The following PDE4D variants were observed in gnomAD, a reference collection of about 807,000 sequenced individuals.
PDE4D encodes phosphodiesterase 4D, also known as 3',5'-cyclic-AMP phosphodiesterase 4D.
Under a neutral mutation model 87.4 loss-of-function variants are expected in PDE4D, and 24 were observed. That is an observed-to-expected ratio of 0.27 (90% CI 0.20 to 0.39). The LOEUF (loss-of-function observed/expected upper bound fraction) is 0.39, where lower values mean the gene tolerates loss of function less well. PDE4D is among the 10% of genes least tolerant of loss of function. The pLI is 1.00. For missense variants in PDE4D, 714 were observed against 1,041.0 expected, an observed-to-expected ratio of 0.69 and a Z score of 4.32; for synonymous variants, 384 against 383.2, an observed-to-expected ratio of 1.00 and a Z score of -0.02.
chr5:59,726,065 T>C (rs1756554580), intron 1 of PDE4D, among the ~76,000 whole-genome samples: 2 of 152,250 alleles, frequency 1.3e-5, no homozygotes, highest in African/African-American at 4.8e-5. Context: ...TTTCATTTCA[T>C]CCACACCTAC....
At chr5:60,319,853 A>C (rs1482737496) in intron 1 of PDE4D, among the ~76,000 whole-genome samples, 2 of 152,146 alleles carry the variant, frequency 1.3e-5, no homozygotes, top group Admixed American at 6.5e-5. Context: ...AGTTTTGTCT[A>C]AGAGGAGTAC....
At chr5:59,808,809 G>T (rs939487679) in intron 1 of PDE4D, among the ~76,000 whole-genome samples, 1 of 152,044 alleles carries the variant, frequency 6.6e-6, no homozygotes, top group Non-Finnish European at 1.5e-5. Context: ...AATGCTGCTT[G>T]CAAGAGTGGC....
rs80246796 is a variant in PDE4D, at chr5:60,178,943, G to C, written c.42+6614C>G. ...GTAACTGTCATAGTTTGGTCAAATA[G>C]TTGGTGAGGGCTTAACAAATATCGT... On this transcript the variant is annotated intron_variant, in intron 2 of 16. Transcript: ENST00000502484. Among the ~76,000 whole-genome samples, 1,201 of 152,208 alleles carry C rather than the reference G, an allele frequency of 7.9e-3. 15 individuals are homozygous for C. Among genetic ancestry groups the C allele is most frequent in the African/African-American group, 0.028 (1,143 of 41,546 alleles).
At chr5:59,224,330 T>A (rs565426717) in intron 1 of PDE4D, among the ~76,000 whole-genome samples, 60 of 135,120 alleles carry the variant, frequency 4.4e-4, no homozygotes, top group Non-Finnish European at 5.6e-4. Flanking sequence ...ACACACACAC[T>A]GGTACAAAGA....
At position 59,392,104 on chromosome 5, in the gene PDE4D, C is replaced by T. The variant is rs369989439; in HGVS notation, c.456-176136G>A. Among the ~76,000 whole-genome samples, 6 of 151,728 alleles carry T rather than the reference C, an allele frequency of 4.0e-5. No individual in the cohort carries two copies. The South Asian group carries it at 1.0e-3, about 26-fold the overall frequency. ...AGAAGAAAGCTCAGAACATAGTATGCCTTCTGTGATAATCCTGAGTGTGAA... is the reference window on the plus strand; with the variant it reads ...AGAAGAAAGCTCAGAACATAGTATGTCTTCTGTGATAATCCTGAGTGTGAA... On this transcript the variant is annotated intron_variant, in intron 1 of 14. Coordinates refer to ENST00000340635, the MANE Select transcript of PDE4D (RefSeq NM_001104631.2).
At chr5:59,224,136 A>G (rs1359305614) in intron 1 of PDE4D, among the ~76,000 whole-genome samples, 1 of 150,042 alleles carries the variant, frequency 6.7e-6, no homozygotes, top group East Asian at 1.9e-4. Context: ...AAAAAAAAAA[A>G]AAAAAAAAAA....
intron 1 of PDE4D, among the ~76,000 whole-genome samples, chr5:59,485,107 T>C (rs1478892795): frequency 6.6e-6 from 1 of 152,224 alleles, no homozygotes; most frequent in Non-Finnish European, 1.5e-5. Context: ...ATTGTGGTAC[T>C]ATCTGCAATA....
chr5:59,732,493 CT>C (rs1345742572), intron 1 of PDE4D, among the ~76,000 whole-genome samples: 1 of 151,708 alleles, frequency 6.6e-6, no homozygotes, highest in African/African-American at 2.4e-5. Flanking sequence ...ACCAAAGGGG[CT>C]TTGTTTTGAT....
chr5:59,925,863 T>G (rs1407926421), intron 3 of PDE4D, among the ~76,000 whole-genome samples: 2 of 152,138 alleles, frequency 1.3e-5, no homozygotes, highest in African/African-American at 4.8e-5. Flanking sequence ...TCCACATATA[T>G]AAAGCAAATA....
chr5:59,051,220 A>G (rs1445866633), intron 5 of PDE4D, among the ~76,000 whole-genome samples: 7 of 152,216 alleles, frequency 4.6e-5, no homozygotes, highest in East Asian at 1.9e-4. Context: ...AAAAATACAA[A>G]AAGTAGCCAG....
intron 1 of PDE4D, among the ~76,000 whole-genome samples, chr5:60,332,790 A>AT (rs932831110): frequency 2.6e-5 from 4 of 151,756 alleles, no homozygotes; most frequent in African/African-American, 9.8e-5. Flanking sequence ...GCTATGAGTC[A>AT]TTTTAAAAAA....
intron 2 of PDE4D, among the ~76,000 whole-genome samples, chr5:60,179,467 T>G (rs1365644746): frequency 6.6e-6 from 1 of 152,146 alleles, no homozygotes; most frequent in African/African-American, 2.4e-5. Flanking sequence ...GATTTCTGCT[T>G]GATGATTTGG....
chr5:59,329,579 T>C (rs1020303050), intron 1 of PDE4D, among the ~76,000 whole-genome samples: 8 of 152,188 alleles, frequency 5.3e-5, no homozygotes, highest in African/African-American at 1.9e-4. Context: ...CTAAAGGTCA[T>C]GATTTGGATT....
chr5:59,093,676 C>T (rs777448126), intron 5 of PDE4D, among the ~76,000 whole-genome samples: 42 of 152,176 alleles, frequency 2.8e-4, no homozygotes, highest in Admixed American at 6.5e-5. Flanking sequence ...TTGTTTCTTG[C>T]CATCATTGTC....
chr5:60,278,753 C>A (rs573588439), intron 1 of PDE4D, among the ~76,000 whole-genome samples: 1 of 151,836 alleles, frequency 6.6e-6, no homozygotes, highest in South Asian at 2.1e-4. Context: ...TCTTTTATTT[C>A]TTTGCTGAGG....
chr5:58,981,868 T>TC (rs1745245877), intron 11 of PDE4D, among the ~76,000 whole-genome samples: 1 of 152,172 alleles, frequency 6.6e-6, no homozygotes, highest in African/African-American at 2.4e-5. Context: ...CTAAGGGATC[T>TC]CCTTATTCCA....
At chr5:59,333,837 C>A (rs144164358) in intron 1 of PDE4D, among the ~76,000 whole-genome samples, 1 of 152,028 alleles carries the variant, frequency 6.6e-6, no homozygotes, top group Non-Finnish European at 1.5e-5. Flanking sequence ...ATTTTCATAT[C>A]CTAATTATAT....
At chr5:59,791,891 T>C (rs954134141) in intron 1 of PDE4D, among the ~76,000 whole-genome samples, 3 of 152,316 alleles carry the variant, frequency 2.0e-5, no homozygotes, top group African/African-American at 2.4e-5. Flanking sequence ...ATCCAGCTCC[T>C]GGGATGTTAT....
chr5:59,023,535 G>A (rs931034501), intron 6 of PDE4D, among the ~76,000 whole-genome samples: 3 of 152,026 alleles, frequency 2.0e-5, no homozygotes, highest in Admixed American at 2.0e-4. Flanking sequence ...ACATGCCTGT[G>A]GCTCCATCCA....
Sources: allele counts gnomAD v4.1 joint callset (sites outside exome capture counted in the v4.1 genomes callset), GRCh38; gene constraint gnomAD v4.1.1; transcripts MANE v1.5; gene names NCBI Gene and HGNC (gene_info 2026-07-23, HGNC 2026-07-21).